The following CTNNA3 variants were observed in gnomAD, a reference collection of about 807,000 sequenced individuals.
The protein encoded by CTNNA3 is catenin alpha-3.
In CTNNA3, 76 loss-of-function variants were observed where a neutral mutation model predicts 95.7. The observed-to-expected ratio is 0.79, with a 90% CI of 0.66 to 0.96. The LOEUF (loss-of-function observed/expected upper bound fraction) is 0.96, where lower values mean the gene tolerates loss of function less well. Among genes scored for constraint, CTNNA3 ranks in the 40% least tolerant of loss-of-function variants. CTNNA3 has a pLI of 0.00. For missense variants in CTNNA3, 1,191 were observed against 1,089.8 expected (o/e 1.09, Z -1.31); for synonymous variants, 431 against 374.4 (o/e 1.15, Z -1.74).
At chr10:67,152,522 G>A (rs1861129829) in intron 7 of CTNNA3, among the ~76,000 whole-genome samples, 1 of 152,082 alleles carries the variant, frequency 6.6e-6, no homozygotes, top group African/African-American at 2.4e-5. Flanking sequence ...ATATAAAGAT[G>A]GTGACTTATG....
chr10:66,621,565 C>T (rs1384905090), intron 10 of CTNNA3, 127 bp downstream of exon 10: 2 of 532,628 alleles, frequency 3.8e-6, no homozygotes, highest in East Asian at 3.4e-5. Context: ...GCATTCCAGC[C>T]TGGGCAACAG....
At chr10:67,195,534 C>T (rs1863319950) in intron 6 of CTNNA3, among the ~76,000 whole-genome samples, 1 of 151,714 alleles carries the variant, frequency 6.6e-6, no homozygotes, top group South Asian at 2.1e-4. Context: ...GGCTCCACCT[C>T]AGTGGTCTCC....
intron 13 of CTNNA3, among the ~76,000 whole-genome samples, chr10:66,153,786 T>TA (rs2084332228): frequency 6.6e-6 from 1 of 151,864 alleles, no homozygotes; most frequent in African/African-American, 2.4e-5. Flanking sequence ...TATCCTATGC[T>TA]GGTCCTGTCT....
intron 5 of CTNNA3, among the ~76,000 whole-genome samples, chr10:67,487,013 A>C (rs1266953320): frequency 6.6e-6 from 1 of 152,092 alleles, no homozygotes; most frequent in Non-Finnish European, 1.5e-5. Flanking sequence ...TATCATCCCA[A>C]ATGATTACCT....
intron 5 of CTNNA3, among the ~76,000 whole-genome samples, chr10:67,266,123 G>C (rs998920358): frequency 3.3e-5 from 5 of 152,004 alleles, no homozygotes; most frequent in African/African-American, 1.2e-4. Flanking sequence ...AGAGAAAAAA[G>C]TCATCAAAAA....
intron 3 of CTNNA3, among the ~76,000 whole-genome samples, chr10:67,577,712 G>A (rs954989641): frequency 1.3e-5 from 2 of 151,616 alleles, no homozygotes; most frequent in Non-Finnish European, 2.9e-5. Context: ...ATGTGTGTGT[G>A]TGTGTGTGTG....
intron 11 of CTNNA3, among the ~76,000 whole-genome samples, chr10:66,482,952 T>A (rs542162690): frequency 1.3e-5 from 2 of 152,278 alleles, no homozygotes; most frequent in South Asian, 4.1e-4. Flanking sequence ...CCAGGAAAGC[T>A]AAGCCCAATG....
chr10:67,649,134 C>T (rs1228233130), intron 1 of CTNNA3, among the ~76,000 whole-genome samples: 1 of 152,190 alleles, frequency 6.6e-6, no homozygotes, highest in Non-Finnish European at 1.5e-5. Flanking sequence ...ACGACAGGTA[C>T]TATCCTACAT....
Position 65,996,898 on chromosome 10 carries a change from G to A in CTNNA3, c.2160-8101C>T, listed in dbSNP as rs369603653. On this transcript the variant is annotated intron_variant, in intron 15 of 17. Coordinates refer to ENST00000433211, the MANE Select transcript of CTNNA3 (RefSeq NM_013266.4). Reference sequence around the variant, plus strand: ...GATGCTGTATTCAAAGAATGATTATGTACTTGCTATTTTAGTTTTTCTTTG... The same window carrying A: ...GATGCTGTATTCAAAGAATGATTATATACTTGCTATTTTAGTTTTTCTTTG... 5.1e-4 allele frequency among the ~76,000 whole-genome samples: 78 copies of A among 152,272 alleles called. 1 individual carries two copies. The highest frequency in any genetic ancestry group is 1.3e-3 in the African/African-American group (54 of 41,550).
chr10:67,683,946 G>C (rs761413701), intron 1 of CTNNA3, among the ~76,000 whole-genome samples: 5 of 151,610 alleles, frequency 3.3e-5, no homozygotes, highest in Non-Finnish European at 5.9e-5. Flanking sequence ...CTCGTGGTGA[G>C]TATTACAGCT....
At chr10:66,549,187 G>T (rs113272903) in intron 10 of CTNNA3, among the ~76,000 whole-genome samples, 3,751 of 151,666 alleles carry the variant, frequency 0.025, 126 homozygotes, top group African/African-American at 0.076. Context: ...GTAGAGATAG[G>T]GTTTCACCTT....
At chr10:66,547,462 C>T (rs1158856148) in intron 10 of CTNNA3, among the ~76,000 whole-genome samples, 2 of 150,056 alleles carry the variant, frequency 1.3e-5, no homozygotes, top group African/African-American at 4.9e-5. Flanking sequence ...CCTGCCTCAG[C>T]CTCCCAAGTA....
At chr10:67,607,227 A>G (rs1018555940) in intron 2 of CTNNA3, among the ~76,000 whole-genome samples, 178 bp from the exon 3 acceptor site, 3 of 152,230 alleles carry the variant, frequency 2.0e-5, no homozygotes, top group Non-Finnish European at 4.4e-5. Flanking sequence ...CCTCAAAAAC[A>G]TAACTACGAA....
chr10:66,736,603 A>G (rs970261993), intron 9 of CTNNA3, among the ~76,000 whole-genome samples: 1 of 152,114 alleles, frequency 6.6e-6, no homozygotes. Context: ...CACTGTGTAC[A>G]GCTTTGTAAA....
intron 7 of CTNNA3, among the ~76,000 whole-genome samples, chr10:66,986,256 G>C (rs1195643728): frequency 1.3e-5 from 2 of 152,048 alleles, no homozygotes; most frequent in African/African-American, 4.8e-5. Flanking sequence ...CCAAGGCTTT[G>C]AGAGGCCGAG....
intron 10 of CTNNA3, among the ~76,000 whole-genome samples, chr10:66,551,064 A>G (rs963916092): frequency 6.6e-6 from 1 of 152,100 alleles, no homozygotes; most frequent in African/African-American, 2.4e-5. Flanking sequence ...TTACTCTAAT[A>G]TTTACCCTTT....
chr10:66,872,767 A>C (rs1844463376), intron 7 of CTNNA3, among the ~76,000 whole-genome samples: 1 of 152,046 alleles, frequency 6.6e-6, no homozygotes, highest in Non-Finnish European at 1.5e-5. Flanking sequence ...TGATGCTGAC[A>C]TCTAGGGTGT....
At chr10:67,279,075 T>C (rs1017773672) in intron 5 of CTNNA3, among the ~76,000 whole-genome samples, 10 of 152,144 alleles carry the variant, frequency 6.6e-5, no homozygotes, top group African/African-American at 2.4e-4. Context: ...CCTGAGTTGT[T>C]TACCTATGGA....
intron 11 of CTNNA3, among the ~76,000 whole-genome samples, chr10:66,441,083 C>T (rs754422786): frequency 1.3e-5 from 2 of 152,108 alleles, no homozygotes; most frequent in African/African-American, 2.4e-5. Flanking sequence ...CCTGTAGTCT[C>T]AACACCTGGG....
Sources: gnomAD v4.1 joint callset for allele counts (sites outside exome capture counted in the v4.1 genomes callset) on GRCh38, gnomAD v4.1.1 for gene constraint, MANE v1.5 for transcripts, NCBI Gene and HGNC (gene_info 2026-07-23, HGNC 2026-07-21) for gene names.